Variants in R3HDM2 observed in about 807,000 individuals in gnomAD.
R3HDM2 encodes R3H domain-containing protein 2.
R3HDM2 carries 38 observed loss-of-function variants against 124.5 expected under a neutral mutation model. That is an observed-to-expected ratio of 0.31 (90% confidence interval 0.24 to 0.40). The LOEUF is 0.40. Among genes scored for constraint, R3HDM2 ranks in the 10% least tolerant of loss-of-function variants. The pLI, the probability that R3HDM2 is intolerant of heterozygous loss-of-function variation, is 1.00. For missense variants in R3HDM2, 869 were observed against 1,236.9 expected (o/e 0.70, Z 4.46); for synonymous variants, 391 against 448.0 (o/e 0.87, Z 1.61).
intron 2 of R3HDM2, among the ~76,000 whole-genome samples, chr12:57,349,761 C>A (rs1049433122): frequency 6.6e-6 from 1 of 152,056 alleles, no homozygotes; most frequent in Non-Finnish European, 1.5e-5. Flanking sequence ...GGGGTTTCAC[C>A]ATGTTAGCCA....
intron 1 of R3HDM2, among the ~76,000 whole-genome samples, chr12:57,413,736 C>T (rs2069237564): frequency 6.6e-6 from 1 of 150,890 alleles, no homozygotes; most frequent in Admixed American, 6.6e-5. Context: ...ACTCCATTCT[C>T]AAGGAAAAAA....
intron 2 of R3HDM2, among the ~76,000 whole-genome samples, chr12:57,327,820 T>A (rs1407998056): frequency 6.6e-6 from 1 of 152,164 alleles, no homozygotes; most frequent in Admixed American, 6.6e-5. Flanking sequence ...GGTTGTTTCT[T>A]ACGGATGAGC....
In R3HDM2 at chr12:57,310,273, C is replaced by G; in HGVS notation, c.156G>C (p.Gln52His). Reference protein sequence around the residue: ...EKECEDTSLRQETQRRTSNHG... With the variant: ...EKECEDTSLRHETQRRTSNHG... Reference sequence around the variant, plus strand: ...CATTTCCAATCGTTACCTGTGTCTCCTGACGCAAACTGGTATCTTCACATT... The same window carrying G: ...CATTTCCAATCGTTACCTGTGTCTCGTGACGCAAACTGGTATCTTCACATT... The change falls in exon 3 of 24, where the codon CAG becomes CAC. Residue 52 changes from glutamine to histidine, a missense_variant. Coordinates refer to ENST00000402412, the MANE Select transcript of R3HDM2 (RefSeq NM_001394031.1). The G allele has an allele frequency of 6.5e-7, 1 of 1,534,260 alleles. No individual in the cohort carries two copies. The highest frequency in any genetic ancestry group is 8.8e-7 in the Non-Finnish European group (1 of 1,140,818).
chr12:57,410,501 G>A (rs992170540), intron 1 of R3HDM2, among the ~76,000 whole-genome samples: 10 of 152,084 alleles, frequency 6.6e-5, no homozygotes, highest in African/African-American at 2.4e-4. Flanking sequence ...CTGATCTCAA[G>A]CTCAAATGTA....
intron 19 of R3HDM2, 149 bp from the exon 20 acceptor site, chr12:57,259,208 G>C (rs2040013913): frequency 1.3e-6 from 1 of 747,480 alleles, no homozygotes; most frequent in African/African-American, 1.8e-5. Flanking sequence ...GATGGCTGCT[G>C]ATGTGGCTTC....
chr12:57,285,824 C>A (rs1460722940), intron 12 of R3HDM2, among the ~76,000 whole-genome samples: 2 of 152,210 alleles, frequency 1.3e-5, no homozygotes, highest in Non-Finnish European at 2.9e-5. Flanking sequence ...CATTTATTTT[C>A]TCTTGCTACT....
At chr12:57,294,344 AG>A in intron 10 of R3HDM2, among the ~76,000 whole-genome samples, 1 of 152,248 alleles carries the variant, frequency 6.6e-6, no homozygotes, top group African/African-American at 2.4e-5. Context: ...CCACAGAAAA[AG>A]GGTTTGGGAA....
At position 57,297,815 on chromosome 12, in the gene R3HDM2, G is replaced by A. The variant is rs546707259; in HGVS notation, c.500+275C>T. ...CTTCTTACTATCACTCCCAATGTGT[G>A]CTTTTTAATCAGTATACTCCCAAGA... On this transcript the variant is annotated intron_variant, in intron 7 of 23. Transcript: ENST00000402412. The A allele has an allele frequency of 9.4e-6, 4 of 427,620 alleles. No individual in the cohort carries two copies. The East Asian group carries it at 1.3e-4, about 14-fold the overall frequency. The allele number at this position is 427,620 out of a possible 1,614,324, so 26.5% of individuals were successfully genotyped here.
At chr12:57,301,644 C>T (rs774822359) in intron 4 of R3HDM2, among the ~76,000 whole-genome samples, 7 of 152,170 alleles carry the variant, frequency 4.6e-5, no homozygotes, top group African/African-American at 1.2e-4. Flanking sequence ...ACATCAAGCC[C>T]GTCACTATGG....
intron 2 of R3HDM2, among the ~76,000 whole-genome samples, chr12:57,374,450 G>T (rs1000984041): frequency 1.3e-5 from 2 of 151,728 alleles, no homozygotes; most frequent in African/African-American, 4.8e-5. Context: ...AGCACTTTGG[G>T]AGGTCAAGGC....
Position 57,283,802 on chromosome 12 carries a change from G to A in R3HDM2, c.1171+22C>T, listed in dbSNP as rs1322095494. 3 of 1,605,242 alleles carry A rather than the reference G, an allele frequency of 1.9e-6. No homozygotes were observed. In the East Asian group the frequency reaches 6.7e-5, roughly 36 times the overall value. ...AAGCAAGAAGGGATGGGTATGACAT[G>A]GAAGAAAAGAAGCTGTAATACCTGG... On this transcript the variant is annotated intron_variant, in intron 13 of 23. Coordinates refer to ENST00000402412, the MANE Select transcript of R3HDM2 (RefSeq NM_001394031.1).
At chr12:57,429,650 T>C (rs1054972666) in intron 1 of R3HDM2, among the ~76,000 whole-genome samples, 1 of 151,320 alleles carries the variant, frequency 6.6e-6, no homozygotes. Flanking sequence ...GAGGCAGAGG[T>C]TGCATTGAGC....
chr12:57,418,106 AC>A, intron 1 of R3HDM2: 1 of 951,566 alleles, frequency 1.1e-6, no homozygotes, highest in Non-Finnish European at 1.3e-6. Flanking sequence ...TGAACTCTCT[AC>A]CAACATTTCC....
intron 10 of R3HDM2, among the ~76,000 whole-genome samples, chr12:57,294,912 G>T (rs2049424736): frequency 6.6e-6 from 1 of 152,184 alleles, no homozygotes; most frequent in Admixed American, 6.5e-5. Context: ...TTTGCAGAAA[G>T]GGATCAGAAA....
intron 18 of R3HDM2, among the ~76,000 whole-genome samples, chr12:57,267,386 C>T (rs2042698847): frequency 6.6e-6 from 1 of 152,154 alleles, no homozygotes; most frequent in South Asian, 2.1e-4. Context: ...GAAACCCCGT[C>T]TCTACTAAAA....
chr12:57,376,256 C>G (rs1252137571), intron 2 of R3HDM2, among the ~76,000 whole-genome samples: 1 of 152,226 alleles, frequency 6.6e-6, no homozygotes, highest in Non-Finnish European at 1.5e-5. Flanking sequence ...TGCTCCAGAT[C>G]CCAGGTTTTC....
At chr12:57,283,398 G>C (rs894351872) in intron 13 of R3HDM2, among the ~76,000 whole-genome samples, 3 of 152,084 alleles carry the variant, frequency 2.0e-5, no homozygotes, top group Admixed American at 6.6e-5. Flanking sequence ...CCTTCCCCTG[G>C]CTGTATTAGG....
Position 57,296,990 on chromosome 12 carries a change from A to G in R3HDM2, c.560+338T>C. The G allele has an allele frequency of 4.3e-6, 1 of 230,576 alleles. No homozygotes were observed. Among genetic ancestry groups the G allele is most frequent in the Non-Finnish European group, 8.5e-6 (1 of 117,982 alleles). The allele number at this position is 230,576 out of a possible 1,614,324, so 14.3% of individuals were successfully genotyped here. ...GAATCACTTGAACCCAGGAGGCAGA[A>G]TTGCAGTGAGTCAAGACTGTACCAC... is the stretch of plus-strand genomic sequence containing the variant. On this transcript the variant is annotated intron_variant, in intron 8 of 23. Transcript: ENST00000402412. The surrounding 1 kb of genome is among the most constrained non-coding windows in gnomAD (Gnocchi z 4.5).
Position 57,256,478 on chromosome 12 carries a change from A to G in R3HDM2, c.2483T>C (p.Leu828Ser). The change falls in exon 22 of 24, where the codon TTA (leucine) becomes TCA (serine). Residue 828 changes from leucine to serine, a missense_variant. By Grantham distance (145) the Leu-to-Ser change is moderately radical (BLOSUM62 -2). This residue lies in a region of R3HDM2 where 602 missense variants were observed against 789.2 expected (regional missense o/e 0.76). Transcript: ENST00000402412. ...DGRYSLLGQP[L>S]QYNLSICPPL... ...AGGGCAGATGGACAGATTGTACTGT[A>G]ATGGCTGGCCCAAAAGGGAGTAGCG... The G allele has an allele frequency of 6.3e-7, 1 of 1,596,678 alleles. No homozygotes were observed. The highest frequency in any genetic ancestry group is 8.5e-7 in the Non-Finnish European group (1 of 1,171,270).
Sources: gnomAD v4.1 joint callset for allele counts (sites outside exome capture counted in the v4.1 genomes callset) on GRCh38, gnomAD v4.1.1 for gene constraint, gnomAD v4.1.1 regional missense constraint, Gnocchi (gnomAD v3.1) non-coding constraint, MANE v1.5 for transcripts, NCBI Gene and HGNC (gene_info 2026-07-23, HGNC 2026-07-21) for gene names.